The following NRG1 variants were observed in gnomAD, a reference collection of about 807,000 sequenced individuals.
The protein encoded by NRG1 is neuregulin 1, also known as pro-neuregulin-1, membrane-bound isoform.
NRG1 carries 18 observed loss-of-function variants against 63.8 expected under a neutral mutation model. That is an observed-to-expected ratio of 0.28 (90% CI 0.19 to 0.42). NRG1 has a LOEUF of 0.42. Ranked by LOEUF, NRG1 falls within the 10% of genes least tolerant of loss-of-function variation. The pLI is 1.00. For synonymous variants in NRG1, 302 were observed against 301.3 expected (o/e 1.00, Z -0.02); for missense variants, 762 against 814.7 (o/e 0.94, Z 0.79).
At chr8:32,466,292 A>C (rs1823053861) in intron 1 of NRG1, among the ~76,000 whole-genome samples, 1 of 151,884 alleles carries the variant, frequency 6.6e-6, no homozygotes, top group Non-Finnish European at 1.5e-5. Context: ...ATACCCCTGC[A>C]ATCCAGCTTG....
chr8:32,134,235 C>A (rs2062077), intron 1 of NRG1, among the ~76,000 whole-genome samples: 105,212 of 151,990 alleles, frequency 0.69, 36,728 homozygotes, highest in Admixed American at 0.79. Flanking sequence ...AGCAAAGTCA[C>A]GCCTATACAT....
At chr8:32,614,253 T>A in intron 3 of NRG1, 1 of 335,110 alleles carries the variant, frequency 3.0e-6, no homozygotes. Flanking sequence ...TCTTCCTCAC[T>A]GACCCAAGTG....
chr8:31,741,874 A>G (rs1197489323), intron 1 of NRG1, among the ~76,000 whole-genome samples: 2 of 152,026 alleles, frequency 1.3e-5, no homozygotes, highest in East Asian at 3.9e-4. Context: ...GTTTACCAGG[A>G]AGCACATATA....
At chr8:32,123,168 C>T (rs1833686484) in intron 1 of NRG1, among the ~76,000 whole-genome samples, 2 of 151,864 alleles carry the variant, frequency 1.3e-5, no homozygotes, top group Admixed American at 1.3e-4. Context: ...TCTACTTCAC[C>T]ATGTGTCCTT....
intron 1 of NRG1, among the ~76,000 whole-genome samples, chr8:31,775,864 C>G (rs1819074554): frequency 9.0e-6 from 1 of 110,580 alleles, no homozygotes; most frequent in Non-Finnish European, 1.7e-5. Context: ...GCCTGGGCGA[C>G]AGAGCAAGAC....
exon 1 of NRG1, chr8:32,548,665 C>A: frequency 6.5e-7 from 1 of 1,529,992 alleles, no homozygotes; most frequent in Admixed American, 2.1e-5. Context: ...CCGATCCGAG[C>A]CCTTGGACCA....
intron 1 of NRG1, among the ~76,000 whole-genome samples, chr8:32,057,660 G>T (rs1586792538): frequency 6.6e-6 from 1 of 152,122 alleles, no homozygotes; most frequent in Admixed American, 6.6e-5. Context: ...TGTCTTCTAG[G>T]TCATTGGGTT....
chr8:31,657,561 C>T (rs1330208894), intron 1 of NRG1, among the ~76,000 whole-genome samples: 2 of 152,178 alleles, frequency 1.3e-5, no homozygotes, highest in South Asian at 2.1e-4. Context: ...GAAAAGCTCT[C>T]CAGGTGATTT....
chr8:32,402,067 A>C (rs1813281518), intron 1 of NRG1, among the ~76,000 whole-genome samples: 1 of 152,022 alleles, frequency 6.6e-6, no homozygotes, highest in Non-Finnish European at 1.5e-5. Flanking sequence ...GCCTACCACA[A>C]CGCCAGGCTA....
chr8:32,230,801 C>T (rs1009774561), intron 1 of NRG1, among the ~76,000 whole-genome samples: 9 of 117,638 alleles, frequency 7.7e-5, no homozygotes, highest in Non-Finnish European at 1.5e-4. Flanking sequence ...TTGATACATA[C>T]AATGTATAAT....
intron 1 of NRG1, among the ~76,000 whole-genome samples, chr8:32,364,169 C>G (rs1807639262): frequency 1.5e-5 from 2 of 132,064 alleles, no homozygotes; most frequent in Non-Finnish European, 3.1e-5. Context: ...ATATAGATAT[C>G]TACAGATGAC....
chr8:31,858,520 A>G (rs1287725316), intron 1 of NRG1, among the ~76,000 whole-genome samples: 3 of 152,150 alleles, frequency 2.0e-5, no homozygotes, highest in Non-Finnish European at 4.4e-5. Flanking sequence ...TTGTGAGGAA[A>G]AGTGGATTTT....
intron 1 of NRG1, among the ~76,000 whole-genome samples, chr8:32,288,027 G>A (rs1853743916): frequency 6.6e-6 from 1 of 152,172 alleles, no homozygotes; most frequent in South Asian, 2.1e-4. Flanking sequence ...CAGCTGGCTT[G>A]TGCTAATGTA....
intron 5 of NRG1, among the ~76,000 whole-genome samples, chr8:32,641,544 C>G (rs921108404): frequency 6.6e-6 from 1 of 152,170 alleles, no homozygotes; most frequent in Admixed American, 6.5e-5. Flanking sequence ...CTGTAACTAT[C>G]GTATGCAATT....
chr8:32,477,462 T>C (rs1824670643), intron 1 of NRG1, among the ~76,000 whole-genome samples: 2 of 152,214 alleles, frequency 1.3e-5, no homozygotes, highest in South Asian at 4.1e-4. Context: ...ACTCATGTCT[T>C]ATATATGCTG....
intron 1 of NRG1, among the ~76,000 whole-genome samples, chr8:32,088,078 G>A (rs566330892): frequency 6.6e-6 from 1 of 152,110 alleles, no homozygotes; most frequent in Non-Finnish European, 1.5e-5. Flanking sequence ...CTCTAGGAAG[G>A]CTTCCTTTGG....
At chr8:32,358,904 A>G (rs1240106307) in intron 1 of NRG1, among the ~76,000 whole-genome samples, 1 of 152,184 alleles carries the variant, frequency 6.6e-6, no homozygotes, top group African/African-American at 2.4e-5. Context: ...AAAGCATATC[A>G]GCATAATTCA....
intron 1 of NRG1, among the ~76,000 whole-genome samples, chr8:32,140,352 A>G (rs1161092294): frequency 1.3e-5 from 2 of 152,060 alleles, no homozygotes; most frequent in African/African-American, 4.8e-5. Flanking sequence ...CTGCTCGATA[A>G]TATAAATTCT....
chr8:32,508,493 T>C (rs1828809362), intron 1 of NRG1, among the ~76,000 whole-genome samples: 1 of 151,598 alleles, frequency 6.6e-6, no homozygotes, highest in Non-Finnish European at 1.5e-5. Flanking sequence ...GAGACAGGGT[T>C]TCACTATGTT....
Sources: allele counts gnomAD v4.1 joint callset (sites outside exome capture counted in the v4.1 genomes callset), GRCh38; gene constraint gnomAD v4.1.1; transcripts MANE v1.5; gene names NCBI Gene and HGNC (gene_info 2026-07-23, HGNC 2026-07-21).